RGS6: variants seen among roughly 807,000 people sequenced by gnomAD.
The protein encoded by RGS6 is regulator of G protein signaling 6.
In RGS6, 30 loss-of-function variants were observed where a neutral mutation model predicts 78.5. The observed-to-expected ratio is 0.38, with a 90% CI of 0.29 to 0.52. The LOEUF is 0.52. RGS6 is among the 20% of genes least tolerant of loss of function. The pLI, the probability that RGS6 is intolerant of heterozygous loss-of-function variation, is 0.85. For missense variants in RGS6, 495 were observed against 609.7 expected (o/e 0.81, Z 1.98); for synonymous variants, 206 against 206.0 (o/e 1.00, Z 0.00).
intron 3 of RGS6, among the ~76,000 whole-genome samples, chr14:72,392,702 T>G (rs2090294794): frequency 6.6e-6 from 1 of 152,156 alleles, no homozygotes; most frequent in African/African-American, 2.4e-5. Flanking sequence ...AAAGGAGATC[T>G]GGGGGAGGGG....
At chr14:72,419,419 G>A (rs907928383) in intron 3 of RGS6, among the ~76,000 whole-genome samples, 1 of 152,216 alleles carries the variant, frequency 6.6e-6, no homozygotes, top group Non-Finnish European at 1.5e-5. Context: ...GCCAGGCTTT[G>A]AACTCAGGCA....
chr14:72,461,639 C>T (rs2095785170), intron 6 of RGS6, among the ~76,000 whole-genome samples: 1 of 152,094 alleles, frequency 6.6e-6, no homozygotes, highest in Admixed American at 6.5e-5. Flanking sequence ...CTGCAGTGAG[C>T]TATGATTGTG....
intron 2 of RGS6, among the ~76,000 whole-genome samples, chr14:72,242,297 T>G (rs954060316): frequency 6.6e-6 from 1 of 152,162 alleles, no homozygotes; most frequent in Non-Finnish European, 1.5e-5. Flanking sequence ...ATAGGAAATA[T>G]GTCTTCATGG....
chr14:72,268,677 C>T (rs184691084), intron 2 of RGS6, among the ~76,000 whole-genome samples: 3 of 152,322 alleles, frequency 2.0e-5, no homozygotes, highest in Admixed American at 1.3e-4. Context: ...GATTCATCCA[C>T]CCTGTGCTGG....
chr14:72,509,702 A>C (rs141313153), intron 13 of RGS6, among the ~76,000 whole-genome samples: 2 of 152,208 alleles, frequency 1.3e-5, no homozygotes, highest in Admixed American at 1.3e-4. Context: ...GTTGTACATC[A>C]CTTGGCTTGA....
chr14:72,015,903 T>C (rs1298097301), intron 2 of RGS6, among the ~76,000 whole-genome samples: 2 of 152,252 alleles, frequency 1.3e-5, no homozygotes, highest in African/African-American at 4.8e-5. Context: ...AGTCCTTCTA[T>C]TGCCATTGGC....
intron 9 of RGS6, chr14:72,473,770 T>A (rs1257606476): frequency 6.6e-6 from 1 of 152,142 alleles, no homozygotes; most frequent in Admixed American, 6.5e-5. Flanking sequence ...TACATAACCT[T>A]TTAAATGTGT....
intron 2 of RGS6, among the ~76,000 whole-genome samples, chr14:72,018,677 C>T (rs897244138): frequency 1.3e-5 from 2 of 152,188 alleles, no homozygotes; most frequent in Non-Finnish European, 2.9e-5. Flanking sequence ...AGGGCAGCAG[C>T]CTTCTACCTC....
intron 2 of RGS6, among the ~76,000 whole-genome samples, chr14:72,176,787 C>T (rs966569356): frequency 2.6e-5 from 4 of 152,172 alleles, no homozygotes; most frequent in Admixed American, 2.6e-4. Flanking sequence ...TTGTCTGTCT[C>T]CATGAGCTTT....
chr14:72,383,262 G>A (rs931772787), intron 3 of RGS6, among the ~76,000 whole-genome samples: 1 of 146,020 alleles, frequency 6.8e-6, no homozygotes, highest in Non-Finnish European at 1.5e-5. Flanking sequence ...GAGAAAGATT[G>A]ATTTTAAAGG....
At chr14:72,141,458 T>G (rs2096538311) in intron 2 of RGS6, among the ~76,000 whole-genome samples, 1 of 152,212 alleles carries the variant, frequency 6.6e-6, no homozygotes, top group Non-Finnish European at 1.5e-5. Flanking sequence ...GTGGGCACTG[T>G]AGGGACAGAA....
chr14:72,048,628 C>G (rs1237223753), intron 2 of RGS6, among the ~76,000 whole-genome samples: 1 of 152,128 alleles, frequency 6.6e-6, no homozygotes, highest in Non-Finnish European at 1.5e-5. Context: ...TTGGGAGATA[C>G]TAGGTTAGCT....
chr14:71,945,010 T>C (rs1387460015), intron 1 of RGS6, among the ~76,000 whole-genome samples: 1 of 152,248 alleles, frequency 6.6e-6, no homozygotes, highest in Non-Finnish European at 1.5e-5. Context: ...TATGGTGTTA[T>C]AATCTCATGG....
At chr14:72,453,490 C>T (rs1280270227) in intron 3 of RGS6, among the ~76,000 whole-genome samples, 3 of 147,560 alleles carry the variant, frequency 2.0e-5, no homozygotes, top group African/African-American at 7.6e-5. Flanking sequence ...GTGGCAGGCG[C>T]CTGTAGTCCC....
intron 2 of RGS6, among the ~76,000 whole-genome samples, chr14:72,163,140 A>C (rs2096876196): frequency 2.0e-5 from 3 of 152,234 alleles, no homozygotes; most frequent in African/African-American, 7.2e-5. Flanking sequence ...CTCACAAATC[A>C]CCACTAAAAT....
chr14:72,585,177 C>T, the RGS6 span, among the ~76,000 whole-genome samples: 1 of 144,878 alleles, frequency 6.9e-6, no homozygotes, highest in Non-Finnish European at 1.5e-5. Context: ...ACTTTAGTCT[C>T]AACTCTCTGA....
At chr14:72,287,543 G>A (rs745862310) in intron 2 of RGS6, among the ~76,000 whole-genome samples, 15 of 151,962 alleles carry the variant, frequency 9.9e-5, no homozygotes, top group Admixed American at 3.9e-4. Flanking sequence ...TGCAGCCTCC[G>A]CCTCCCCAGT....
At chr14:72,322,344 G>A (rs8015237) in intron 2 of RGS6, among the ~76,000 whole-genome samples, 8,348 of 151,930 alleles carry the variant, frequency 0.055, 354 homozygotes, top group East Asian at 0.26. Context: ...AAATTACCAG[G>A]CATGACCCCA....
chr14:72,448,297 T>C (rs1205547990), intron 3 of RGS6, among the ~76,000 whole-genome samples: 2 of 152,328 alleles, frequency 1.3e-5, no homozygotes, highest in Non-Finnish European at 2.9e-5. Flanking sequence ...TTTGCCACGC[T>C]TTTCCTTGGA....
Sources: allele counts gnomAD v4.1 joint callset (sites outside exome capture counted in the v4.1 genomes callset), GRCh38; gene constraint gnomAD v4.1.1; transcripts MANE v1.5; gene names NCBI Gene and HGNC (gene_info 2026-07-23, HGNC 2026-07-21).